The following FAM241A variants were observed in gnomAD, a reference collection of about 807,000 sequenced individuals.
The protein encoded by FAM241A is family with sequence similarity 241 member A.
In FAM241A, 7 loss-of-function variants were observed where a neutral mutation model predicts 12.2. The observed-to-expected ratio is 0.58, with a 90% CI of 0.33 to 1.08. The LOEUF is 1.08. Among genes scored for constraint, FAM241A ranks in the 50% least tolerant of loss-of-function variants. FAM241A has a pLI of 0.04. For missense variants in FAM241A, 161 were observed against 169.7 expected, an observed-to-expected ratio of 0.95 and a Z score of 0.29; for synonymous variants, 74 against 68.2, an observed-to-expected ratio of 1.08 and a Z score of -0.42.
chr4:112,152,542 C>T (rs1015189596), intron 1 of FAM241A, among the ~76,000 whole-genome samples: 8 of 152,180 alleles, frequency 5.3e-5, no homozygotes, highest in African/African-American at 1.7e-4. Flanking sequence ...AGCAGCTCCT[C>T]GTATGCAACT....
chr4:112,176,455 C>G (rs1366192538), intron 1 of FAM241A, among the ~76,000 whole-genome samples: 1 of 152,112 alleles, frequency 6.6e-6, no homozygotes, highest in East Asian at 1.9e-4. Context: ...AGTAATTTGC[C>G]CAATGTCACA....
At chr4:112,152,123 T>C (rs952433217) in intron 1 of FAM241A, among the ~76,000 whole-genome samples, 1 of 152,222 alleles carries the variant, frequency 6.6e-6, no homozygotes, top group Non-Finnish European at 1.5e-5. Flanking sequence ...TAATTTTGCA[T>C]TTGATAGGCA....
At chr4:112,155,917 C>T (rs1022197668) in intron 1 of FAM241A, among the ~76,000 whole-genome samples, 1 of 152,088 alleles carries the variant, frequency 6.6e-6, no homozygotes, top group Non-Finnish European at 1.5e-5. Flanking sequence ...ATTATTGCCC[C>T]TACTTTAAGA....
intron 1 of FAM241A, among the ~76,000 whole-genome samples, chr4:112,163,781 T>C (rs1004718990): frequency 6.6e-6 from 1 of 152,230 alleles, no homozygotes; most frequent in Non-Finnish European, 1.5e-5. Flanking sequence ...GAACTAGAAA[T>C]ACCATTTGAC....
intron 1 of FAM241A, among the ~76,000 whole-genome samples, chr4:112,169,184 A>C (rs1723666160): frequency 2.0e-5 from 3 of 152,220 alleles, no homozygotes; most frequent in Admixed American, 6.5e-5. Context: ...AAACTACCAG[A>C]AGAGCGGCAT....
intron 1 of FAM241A, among the ~76,000 whole-genome samples, chr4:112,147,337 A>G (rs897213704): frequency 2.6e-5 from 4 of 152,218 alleles, no homozygotes; most frequent in African/African-American, 9.6e-5. Flanking sequence ...CTCAAGATTT[A>G]TTAATGTATT....
intron 1 of FAM241A, among the ~76,000 whole-genome samples, chr4:112,165,452 T>A (rs778006246): frequency 1.2e-4 from 19 of 152,206 alleles, no homozygotes; most frequent in Non-Finnish European, 2.6e-4. Context: ...ATATCTACAC[T>A]CTCATATTTG....
intron 1 of FAM241A, 105 bp downstream of exon 1, chr4:112,145,838 G>T: frequency 1.5e-6 from 1 of 681,540 alleles, no homozygotes; most frequent in Non-Finnish European, 1.9e-6. Context: ...CCGCAGCTCT[G>T]CCCCGCGTGG....
chr4:112,174,370 C>T (rs1307980250), intron 1 of FAM241A, among the ~76,000 whole-genome samples: 2 of 152,204 alleles, frequency 1.3e-5, no homozygotes, highest in East Asian at 3.9e-4. Context: ...AAAGGCAGAT[C>T]TGGCTGGGCA....
At chr4:112,186,664 A>G (rs1724048591) in intron 1 of FAM241A, 29 bp from the exon 2 acceptor site, 1 of 1,568,582 alleles carries the variant, frequency 6.4e-7, no homozygotes, top group Non-Finnish European at 8.6e-7. Context: ...TGTTATGTTC[A>G]TGTTTTGTCT....
chr4:112,145,475 G>A lies in FAM241A; in HGVS notation c.-106G>A. ...GCGCGCTCCGGCGGCTCCTGTCAGC[G>A]GCGGGTGCGGCGGATCCCAGGGCAG... On this transcript the variant is annotated 5_prime_UTR_variant, in exon 1 of 2. Coordinates refer to ENST00000309733, the MANE Select transcript of FAM241A (RefSeq NM_152400.3). 1.5e-5 allele frequency: 17 copies of A among 1,109,446 alleles called. No homozygotes were observed. The highest frequency in any genetic ancestry group is 3.3e-5 in the African/African-American group (2 of 60,972). The allele number at this position is 1,109,446 out of a possible 1,614,324, so 68.7% of individuals were successfully genotyped here. A position where few individuals can be genotyped will look rare whatever the true frequency, so the allele number is the denominator to read the frequency against.
At chr4:112,179,916 T>TATATATATATATATATATATAG in intron 1 of FAM241A, among the ~76,000 whole-genome samples, 1 of 16,156 alleles carries the variant, frequency 6.2e-5, no homozygotes, top group East Asian at 2.3e-3. Context: ...GAAAATGTGA[T>TATATATATATATATATATATAG]ATATATATAT....
At chr4:112,163,171 A>G (rs1032854316) in intron 1 of FAM241A, among the ~76,000 whole-genome samples, 6 of 152,244 alleles carry the variant, frequency 3.9e-5, no homozygotes, top group African/African-American at 1.4e-4. Flanking sequence ...AAATGGATTA[A>G]AGACTTAAAT....
rs962483977 is a variant in FAM241A, at chr4:112,188,579, T to G, written c.*1641T>G. On this transcript the variant is annotated 3_prime_UTR_variant, in exon 2 of 2. Transcript: ENST00000309733. ...TATTTTTATAGTAGCCTTTATGAAC[T>G]CAGTATAAGTGCAAGTTGTTTGAAA... 1 of 152,194 alleles carries G rather than the reference T, an allele frequency of 6.6e-6. No individual in the cohort carries two copies. Among genetic ancestry groups the G allele is most frequent in the Non-Finnish European group, 1.5e-5 (1 of 68,014 alleles). The allele number at this position is 152,194 out of a possible 1,614,324, so 9.4% of individuals were successfully genotyped here. A position where few individuals can be genotyped will look rare whatever the true frequency, so the allele number is the denominator to read the frequency against.
At chr4:112,181,400 T>C (rs77368547) in intron 1 of FAM241A, among the ~76,000 whole-genome samples, 1 of 152,214 alleles carries the variant, frequency 6.6e-6, no homozygotes, top group African/African-American at 2.4e-5. Context: ...ACATGATAAT[T>C]TCTTCCTGTT....
intron 1 of FAM241A, among the ~76,000 whole-genome samples, chr4:112,155,048 C>T (rs1723325046): frequency 6.6e-6 from 1 of 151,838 alleles, no homozygotes; most frequent in Admixed American, 6.6e-5. Flanking sequence ...ACCACCCTCC[C>T]CCGCCACAAA....
rs1236672911 is a variant in FAM241A, at chr4:112,160,419, AGG to A, written c.153+14687_153+14688del. Among the ~76,000 whole-genome samples the A allele has an allele frequency of 4.8e-3, 723 of 151,430 alleles. 6 individuals are homozygous for A. The highest frequency in any genetic ancestry group is 0.016 in the African/African-American group (677 of 41,228). ...AACTCCATCTCAAAAAAAAAAAAAAAGGAAAGATATTGCATGTTCATGGATTG... is the reference window on the plus strand; with the variant it reads ...AACTCCATCTCAAAAAAAAAAAAAAAAAAGATATTGCATGTTCATGGATTG... On this transcript the variant is annotated intron_variant, in intron 1 of 1. Coordinates refer to ENST00000309733, the MANE Select transcript of FAM241A (RefSeq NM_152400.3).
intron 1 of FAM241A, among the ~76,000 whole-genome samples, chr4:112,176,321 A>G (rs376235504): frequency 2.6e-5 from 4 of 152,236 alleles, no homozygotes; most frequent in East Asian, 3.8e-4. Flanking sequence ...AAATAGAGTA[A>G]TAATAATTAC....
In FAM241A at chr4:112,186,957, TG is replaced by T; in HGVS notation, c.*20del. ...ACAGTAAAACATGGCCGAATTGAAT[TG>T]TTTGACATTTGGTAGCCATATATGT... On this transcript the variant is annotated 3_prime_UTR_variant, in exon 2 of 2. Transcript: ENST00000309733. The T allele has an allele frequency of 6.2e-7, 1 of 1,604,218 alleles. No homozygotes were observed. Among genetic ancestry groups the T allele is most frequent in the Non-Finnish European group, 8.5e-7 (1 of 1,173,950 alleles).
Sources: gnomAD v4.1 joint callset for allele counts (sites outside exome capture counted in the v4.1 genomes callset) on GRCh38, gnomAD v4.1.1 for gene constraint, MANE v1.5 for transcripts, NCBI Gene and HGNC (gene_info 2026-07-23, HGNC 2026-07-21) for gene names.